The following NKAIN2 variants were observed in gnomAD, a reference collection of about 807,000 sequenced individuals.
NKAIN2 encodes sodium/potassium transporting ATPase interacting 2, also known as sodium/potassium-transporting ATPase subunit beta-1-interacting protein 2.
In NKAIN2, 14 loss-of-function variants were observed where a neutral mutation model predicts 32.6. The ratio of observed to expected loss-of-function variants is 0.43; its 90% confidence interval spans 0.28 to 0.67. The LOEUF (loss-of-function observed/expected upper bound fraction) is 0.67, where lower values mean the gene tolerates loss of function less well. NKAIN2 is among the 30% of genes least tolerant of loss of function. The pLI is 0.17. For missense variants in NKAIN2, 198 were observed against 258.3 expected, an observed-to-expected ratio of 0.77 and a Z score of 1.60; for synonymous variants, 80 against 87.2, an observed-to-expected ratio of 0.92 and a Z score of 0.46.
chr6:123,906,707 A>G (rs1381111519), intron 1 of NKAIN2, among the ~76,000 whole-genome samples: 4 of 152,200 alleles, frequency 2.6e-5, no homozygotes, highest in Non-Finnish European at 5.9e-5. Context: ...TGTCTGTGTT[A>G]TATGAAGTTT....
chr6:124,001,800 A>AATATGTATATAT lies in NKAIN2; in HGVS notation c.54+197550_54+197551insGTATATATATAT, dbSNP rs1208005298. On this transcript the variant is annotated intron_variant, in intron 1 of 6. Coordinates refer to ENST00000368417, the MANE Select transcript of NKAIN2 (RefSeq NM_001040214.3). The stretch of plus-strand genomic sequence containing the variant: ...AGAAAAAGAAGTTCTCTTAGTTCTA[A>AATATGTATATAT]ATATATATATATATATATATATATA... Among the ~76,000 whole-genome samples, 73 of 135,120 alleles carry AATATGTATATAT rather than the reference A, an allele frequency of 5.4e-4. 1 individual carries two copies. The highest frequency in any genetic ancestry group is 1.9e-3 in the African/African-American group (70 of 36,234). 88.6% of individuals were successfully genotyped at this position (135,120 alleles called of 152,430 possible).
chr6:124,517,638 T>C (rs1242603222), intron 3 of NKAIN2, among the ~76,000 whole-genome samples: 2 of 152,150 alleles, frequency 1.3e-5, no homozygotes, highest in African/African-American at 4.8e-5. Context: ...GAGCCCCTAG[T>C]TGTCTTGTAA....
chr6:124,801,722 A>C (rs931817358), intron 5 of NKAIN2, among the ~76,000 whole-genome samples: 2 of 152,200 alleles, frequency 1.3e-5, no homozygotes, highest in African/African-American at 4.8e-5. Flanking sequence ...AGGAAAGGGG[A>C]TGGAGGTGCC....
intron 4 of NKAIN2, among the ~76,000 whole-genome samples, chr6:124,771,857 T>A (rs749639557): frequency 6.6e-6 from 1 of 152,158 alleles, no homozygotes; most frequent in African/African-American, 2.4e-5. Flanking sequence ...TCTAGGTGAA[T>A]GCAGTGGTTC....
chr6:124,185,691 T>G (rs1300985420), intron 1 of NKAIN2, among the ~76,000 whole-genome samples: 1 of 152,208 alleles, frequency 6.6e-6, no homozygotes, highest in East Asian at 1.9e-4. Context: ...TTTTTATTTA[T>G]TCACACTAAG....
intron 1 of NKAIN2, among the ~76,000 whole-genome samples, chr6:124,181,019 G>A (rs1015799633): frequency 8.5e-5 from 13 of 152,158 alleles, no homozygotes; most frequent in Admixed American, 2.0e-4. Flanking sequence ...AGGTTCTGCC[G>A]CTGCAGCACA....
intron 3 of NKAIN2, among the ~76,000 whole-genome samples, chr6:124,648,898 C>T (rs1005344160): frequency 2.6e-5 from 4 of 151,960 alleles, no homozygotes; most frequent in African/African-American, 9.7e-5. Flanking sequence ...GCACATGGGT[C>T]AAGAATAAAT....
intron 1 of NKAIN2, among the ~76,000 whole-genome samples, chr6:123,896,095 T>C (rs1451297450): frequency 6.6e-6 from 1 of 152,226 alleles, no homozygotes; most frequent in Non-Finnish European, 1.5e-5. Context: ...ATGTTCATAA[T>C]GATAACCCTG....
intron 1 of NKAIN2, among the ~76,000 whole-genome samples, chr6:123,920,137 G>GT (rs1171164074): frequency 1.1e-4 from 17 of 152,082 alleles, no homozygotes; most frequent in African/African-American, 3.9e-4. Context: ...TAAAATTTAT[G>GT]TAAGTACTGT....
intron 1 of NKAIN2, among the ~76,000 whole-genome samples, chr6:123,948,092 A>G (rs1241582503): frequency 1.3e-5 from 2 of 152,152 alleles, no homozygotes; most frequent in Non-Finnish European, 2.9e-5. Context: ...AAAGGACAAC[A>G]TGATTTCATT....
chr6:124,126,836 T>A (rs1340667933), intron 1 of NKAIN2, among the ~76,000 whole-genome samples: 1 of 152,110 alleles, frequency 6.6e-6, no homozygotes, highest in African/African-American at 2.4e-5. Flanking sequence ...GTGCCTGTAG[T>A]CCCAGCTACT....
intron 3 of NKAIN2, among the ~76,000 whole-genome samples, chr6:124,548,985 G>A (rs1320708747): frequency 6.6e-6 from 1 of 152,132 alleles, no homozygotes; most frequent in Non-Finnish European, 1.5e-5. Context: ...TGTGGAAAAT[G>A]GAAGGTGAGG....
intron 1 of NKAIN2, among the ~76,000 whole-genome samples, chr6:124,198,322 G>C (rs1033076399): frequency 6.6e-6 from 1 of 151,744 alleles, no homozygotes; most frequent in Non-Finnish European, 1.5e-5. Flanking sequence ...TGCTCCGCCC[G>C]TGTTGTGGGG....
intron 1 of NKAIN2, among the ~76,000 whole-genome samples, chr6:123,848,151 T>C (rs1036352341): frequency 2.6e-5 from 4 of 152,228 alleles, no homozygotes; most frequent in African/African-American, 9.6e-5. Context: ...TTTACTGTTA[T>C]CGTGTGGCTG....
chr6:123,868,069 T>G (rs551398626), intron 1 of NKAIN2, among the ~76,000 whole-genome samples: 2 of 151,910 alleles, frequency 1.3e-5, no homozygotes, highest in Non-Finnish European at 2.9e-5. Flanking sequence ...AGGGTTTCAC[T>G]GTGTTAGCCA....
chr6:124,519,365 C>T (rs1228973320), intron 3 of NKAIN2, among the ~76,000 whole-genome samples: 1 of 152,054 alleles, frequency 6.6e-6, no homozygotes, highest in Non-Finnish European at 1.5e-5. Flanking sequence ...GAGGATTGAC[C>T]ATGAATTGAC....
At chr6:124,135,515 TAA>T (rs56183476) in intron 1 of NKAIN2, among the ~76,000 whole-genome samples, 77,055 of 100,970 alleles carry the variant, frequency 0.76, 28,407 homozygotes, top group Middle Eastern at 0.8. Flanking sequence ...GCAACGATAG[TAA>T]AAAAAAAAAA....
chr6:124,410,816 G>T (rs576432710), intron 3 of NKAIN2, among the ~76,000 whole-genome samples: 1 of 152,270 alleles, frequency 6.6e-6, no homozygotes, highest in South Asian at 2.1e-4. Context: ...CATTATTATT[G>T]TGTGGGAGTC....
At chr6:124,449,671 CAT>C (rs967305318) in intron 3 of NKAIN2, among the ~76,000 whole-genome samples, 5 of 152,168 alleles carry the variant, frequency 3.3e-5, no homozygotes, top group South Asian at 2.1e-4. Context: ...CACACACACA[CAT>C]ACAAACATAT....
Sources: allele counts gnomAD v4.1 joint callset (sites outside exome capture counted in the v4.1 genomes callset), GRCh38; gene constraint gnomAD v4.1.1; transcripts MANE v1.5; gene names NCBI Gene and HGNC (gene_info 2026-07-23, HGNC 2026-07-21).